The following STIM2 variants were observed in gnomAD, a reference collection of about 807,000 sequenced individuals.
STIM2 encodes the protein stromal interaction molecule 2.
In STIM2, 31 loss-of-function variants were observed where a neutral mutation model predicts 85.8. That is an observed-to-expected ratio of 0.36 (90% CI 0.27 to 0.49). The LOEUF is 0.49. STIM2 is among the 20% of genes least tolerant of loss of function. STIM2 has a pLI of 0.98. For synonymous variants in STIM2, 356 were observed against 331.1 expected (o/e 1.08, Z -0.82); for missense variants, 841 against 927.6 (o/e 0.91, Z 1.21).
chr4:26,927,801 G>A (rs1725024252), intron 2 of STIM2, among the ~76,000 whole-genome samples: 1 of 129,940 alleles, frequency 7.7e-6, no homozygotes, highest in African/African-American at 2.8e-5. Flanking sequence ...TAAATATAAT[G>A]TAATTATAAA....
chr4:26,882,362 C>T (rs1577413374), intron 1 of STIM2, among the ~76,000 whole-genome samples: 1 of 152,140 alleles, frequency 6.6e-6, no homozygotes, highest in Admixed American at 6.5e-5. Flanking sequence ...TAATTCTACT[C>T]CTGATCTTAG....
intron 1 of STIM2, among the ~76,000 whole-genome samples, chr4:26,879,845 C>T (rs1242560234): frequency 6.6e-6 from 1 of 152,118 alleles, no homozygotes; most frequent in Non-Finnish European, 1.5e-5. Flanking sequence ...CACATTCTGA[C>T]CTCCTGCCAG....
At chr4:26,986,157 A>G (rs1727578570) in intron 3 of STIM2, among the ~76,000 whole-genome samples, 1 of 152,226 alleles carries the variant, frequency 6.6e-6, no homozygotes, top group African/African-American at 2.4e-5. Context: ...ACCAAGGATT[A>G]TAATATTACA....
chr4:26,979,648 ATATAAT>A (rs1437730242), intron 3 of STIM2, among the ~76,000 whole-genome samples: 5 of 152,218 alleles, frequency 3.3e-5, no homozygotes, highest in Non-Finnish European at 5.9e-5. Context: ...TTTAAAGCAA[ATATAAT>A]TAAAACATAT....
At chr4:26,981,745 C>A (rs1727404468) in intron 3 of STIM2, among the ~76,000 whole-genome samples, 1 of 152,178 alleles carries the variant, frequency 6.6e-6, no homozygotes, top group Non-Finnish European at 1.5e-5. Context: ...TAGTAAATAA[C>A]TAAATTAGGA....
chr4:26,909,684 G>C (rs576133298), intron 1 of STIM2, among the ~76,000 whole-genome samples: 5 of 152,128 alleles, frequency 3.3e-5, no homozygotes, highest in Non-Finnish European at 5.9e-5. Flanking sequence ...TAAAATATAC[G>C]TAACATAAAA....
Position 27,023,000 on chromosome 4 carries a change from G to A in STIM2, c.*4G>A, listed in dbSNP as rs1355612430. The A allele has an allele frequency of 6.2e-7, 1 of 1,606,558 alleles. No homozygotes were observed. Among genetic ancestry groups the A allele is most frequent in the African/African-American group, 1.3e-5 (1 of 74,828 alleles). ...TTTTAAGAAGAAATCTAAGTGAACT[G>A]GCTGACTTGATGGAATCATGTTCAA... is the stretch of plus-strand genomic sequence containing the variant. On this transcript the variant is annotated 3_prime_UTR_variant, in exon 12 of 12. Coordinates refer to ENST00000467087, the MANE Select transcript of STIM2 (RefSeq NM_020860.4).
intron 1 of STIM2, among the ~76,000 whole-genome samples, chr4:26,888,732 T>C (rs1379596829): frequency 6.6e-6 from 1 of 152,216 alleles, no homozygotes; most frequent in African/African-American, 2.4e-5. Flanking sequence ...TAGTTTTCCA[T>C]TGACTTTAAT....
intron 3 of STIM2, among the ~76,000 whole-genome samples, chr4:26,988,254 A>G (rs1727650577): frequency 6.6e-6 from 1 of 152,222 alleles, no homozygotes; most frequent in Admixed American, 6.5e-5. Context: ...GTTATGGTAT[A>G]TGATAAATCC....
At chr4:26,958,151 G>A (rs200574868) in intron 3 of STIM2, among the ~76,000 whole-genome samples, 4 of 151,972 alleles carry the variant, frequency 2.6e-5, no homozygotes, top group Non-Finnish European at 5.9e-5. Context: ...ATGATGTCTC[G>A]TAATAGGTGT....
At chr4:26,874,094 T>G in intron 1 of STIM2, 1 of 592,660 alleles carries the variant, frequency 1.7e-6, no homozygotes, top group African/African-American at 1.9e-5. Context: ...CTGAGCGAGC[T>G]GCAGCTTGGA....
At chr4:26,934,370 A>G (rs996924868) in intron 2 of STIM2, among the ~76,000 whole-genome samples, 1 of 152,342 alleles carries the variant, frequency 6.6e-6, no homozygotes, top group South Asian at 2.1e-4. Flanking sequence ...AAGCAATGTC[A>G]TATTATAAGT....
At chr4:26,935,624 G>T (rs1483187335) in intron 2 of STIM2, among the ~76,000 whole-genome samples, 10 of 152,176 alleles carry the variant, frequency 6.6e-5, no homozygotes, top group Admixed American at 6.5e-4. Flanking sequence ...TCAGCAGCTT[G>T]GGGATGGGAC....
At chr4:26,880,682 A>AATATATATGTAAATATATATGTAAAT (rs1560192606) in intron 1 of STIM2, among the ~76,000 whole-genome samples, 3 of 142,602 alleles carry the variant, frequency 2.1e-5, no homozygotes, top group African/African-American at 7.8e-5. Flanking sequence ...TATATATGTA[A>AATATATATGTAAATATATATGTAAAT]ATATATATAT....
chr4:26,873,249 A>G (rs926304067), intron 1 of STIM2, among the ~76,000 whole-genome samples: 1 of 152,130 alleles, frequency 6.6e-6, no homozygotes, highest in Non-Finnish European at 1.5e-5. Flanking sequence ...AAATACAACG[A>G]TTAGCCAGGC....
Position 26,860,872 on chromosome 4 carries a change from C to T in STIM2, c.-347C>T, listed in dbSNP as rs1197616140. The T allele has an allele frequency of 5.6e-6, 5 of 892,912 alleles. No individual in the cohort carries two copies. The highest frequency in any genetic ancestry group is 5.5e-5 in the African/African-American group (3 of 54,446). 55.3% of individuals were successfully genotyped at this position (892,912 alleles called of 1,614,324 possible). On this transcript the variant is annotated 5_prime_UTR_variant, in exon 1 of 12. Transcript: ENST00000467087. ...GCGGATCCCGGTCTCGCCGCAGCAGCAGCGCGGGTGTCGTGCACCGCCTGA... is the reference window on the plus strand; with the variant it reads ...GCGGATCCCGGTCTCGCCGCAGCAGTAGCGCGGGTGTCGTGCACCGCCTGA...
intron 3 of STIM2, among the ~76,000 whole-genome samples, chr4:26,965,420 T>C (rs77926313): frequency 0.13 from 20,279 of 152,142 alleles, 1,588 homozygotes; most frequent in Middle Eastern, 0.28. Flanking sequence ...TTAGTTATAA[T>C]TGATTTTTGT....
At chr4:26,986,381 A>C (rs759250885) in intron 3 of STIM2, among the ~76,000 whole-genome samples, 2 of 152,190 alleles carry the variant, frequency 1.3e-5, no homozygotes, top group Non-Finnish European at 2.9e-5. Context: ...GATATTTTGG[A>C]TAGTATATAC....
At chr4:26,994,472 G>A (rs1727884326) in intron 3 of STIM2, among the ~76,000 whole-genome samples, 1 of 152,008 alleles carries the variant, frequency 6.6e-6, no homozygotes, top group Non-Finnish European at 1.5e-5. Context: ...CTAAGATGAT[G>A]ACCCTTTCCT....
Sources: allele counts gnomAD v4.1 joint callset (sites outside exome capture counted in the v4.1 genomes callset), GRCh38; gene constraint gnomAD v4.1.1; transcripts MANE v1.5; gene names NCBI Gene and HGNC (gene_info 2026-07-23, HGNC 2026-07-21).